The following PLAC1 variants were observed in gnomAD, a reference collection of about 807,000 sequenced individuals.
PLAC1 encodes placenta-specific protein 1.
For missense variants in PLAC1, 136 were observed against 163.2 expected, an observed-to-expected ratio of 0.83 and a Z score of 0.91; for synonymous variants, 68 against 62.1, an observed-to-expected ratio of 1.09 and a Z score of -0.44.
At chrX:134,575,768 C>CAAAAAAAA (rs779874830) in intron 2 of PLAC1, among the ~76,000 whole-genome samples, 1 of 56,381 alleles carries the variant, frequency 1.8e-5, no homozygotes, top group African/African-American at 8.0e-5. Flanking sequence ...GACTCCGTCT[C>CAAAAAAAA]AAAAAAAAAA....
chrX:134,729,388 T>A (rs775227144), intron 2 of PLAC1, among the ~76,000 whole-genome samples: 1 of 112,264 alleles, frequency 8.9e-6, no homozygotes, highest in Admixed American at 9.4e-5. Flanking sequence ...TATACTTATC[T>A]TGTTTTATAG....
intron 1 of PLAC1, among the ~76,000 whole-genome samples, chrX:134,621,068 G>C (rs2078207762): frequency 9.0e-6 from 1 of 111,282 alleles, no homozygotes; most frequent in East Asian, 2.8e-4. Flanking sequence ...CCTCTTGCCA[G>C]ACCAGTTTGT....
chrX:134,719,021 G>T (rs1343095288), intron 2 of PLAC1, among the ~76,000 whole-genome samples: 6 of 111,883 alleles, frequency 5.4e-5, no homozygotes, highest in African/African-American at 1.9e-4. Flanking sequence ...TCACACCTGG[G>T]CAAAAAATAT....
intron 2 of PLAC1, among the ~76,000 whole-genome samples, chrX:134,587,572 C>A (rs1355394723): frequency 9.2e-6 from 1 of 109,166 alleles, no homozygotes. Flanking sequence ...CAGAGTGAGA[C>A]CCTGTTTCAA....
chrX:134,704,233 C>A (rs918759359), intron 2 of PLAC1, among the ~76,000 whole-genome samples: 1 of 109,787 alleles, frequency 9.1e-6, no homozygotes, highest in Non-Finnish European at 1.9e-5. Flanking sequence ...GTGGCTTACA[C>A]CTGTAATCCC....
intron 1 of PLAC1, among the ~76,000 whole-genome samples, chrX:134,750,870 TATATATTTATAA>T (rs2078741445): frequency 6.9e-5 from 1 of 14,474 alleles, no homozygotes; most frequent in African/African-American, 5.7e-4. Context: ...TTTTTATATA[TATATATTTATAA>T]ATATATATAT....
At chrX:134,679,956 G>A (rs751417917) in intron 2 of PLAC1, among the ~76,000 whole-genome samples, 253 of 111,371 alleles carry the variant, frequency 2.3e-3, no homozygotes, top group Middle Eastern at 9.2e-3. Context: ...TGTTCTTTCC[G>A]CCATGGAGTG....
intron 1 of PLAC1, among the ~76,000 whole-genome samples, chrX:134,654,161 G>A (rs980308074): frequency 2.7e-5 from 3 of 111,819 alleles, no homozygotes; most frequent in African/African-American, 9.8e-5. Context: ...GGGAATTAGT[G>A]GGCTCCATCC....
chrX:134,711,869 T>C (rs866383418), intron 2 of PLAC1, among the ~76,000 whole-genome samples: 9 of 110,119 alleles, frequency 8.2e-5, no homozygotes, highest in South Asian at 3.9e-4. Context: ...GATTAATTAC[T>C]GAGGTCGCAT....
At chrX:134,588,128 G>C (rs2124370737) in intron 2 of PLAC1, among the ~76,000 whole-genome samples, 1 of 110,778 alleles carries the variant, frequency 9.0e-6, no homozygotes, top group African/African-American at 3.3e-5. Flanking sequence ...ATAGGAAAGT[G>C]ATATAAAAAC....
intron 1 of PLAC1, among the ~76,000 whole-genome samples, chrX:134,632,317 T>C (rs2078266057): frequency 1.8e-5 from 2 of 112,242 alleles, no homozygotes; most frequent in African/African-American, 6.5e-5. Context: ...GTTAATCCTA[T>C]TGGGGTCTGT....
rs771561259 is a variant in PLAC1, at chrX:134,566,638, A to C, written c.45T>G (p.Ser15=). Residue 15 remains serine, a synonymous_variant, in exon 3 of 3, where the codon TCT becomes TCG. Transcript: ENST00000359237. The part of the protein sequence containing the change: ...KFIGLMILLT[S]AFSAGSGQSP... ...TTTGTCCTGAACCGGCTGAAAACGCAGAGGTGAGGAGGATCATCAGTCCTA... is the reference window on the plus strand; with the variant it reads ...TTTGTCCTGAACCGGCTGAAAACGCCGAGGTGAGGAGGATCATCAGTCCTA... The C allele has an allele frequency of 8.3e-7, 1 of 1,205,113 alleles. No homozygotes were observed. The highest frequency in any genetic ancestry group is 1.8e-5 in the South Asian group (1 of 56,845).
At chrX:134,595,599 A>T (rs1296940961) in intron 2 of PLAC1, among the ~76,000 whole-genome samples, 3 of 97,210 alleles carry the variant, frequency 3.1e-5, no homozygotes, top group African/African-American at 1.2e-4. Flanking sequence ...TTATATATAT[A>T]ATATATATAT....
At chrX:134,567,562 C>T (rs763273219) in intron 2 of PLAC1, among the ~76,000 whole-genome samples, 10 of 110,403 alleles carry the variant, frequency 9.1e-5, no homozygotes, top group Non-Finnish European at 1.7e-4. Context: ...TCAAGAGCAG[C>T]CCGGGCAATA....
At chrX:134,678,337 C>G (rs2078482383) in intron 2 of PLAC1, among the ~76,000 whole-genome samples, 1 of 111,557 alleles carries the variant, frequency 9.0e-6, no homozygotes, top group Non-Finnish European at 1.9e-5. Context: ...GGCCTCCTTG[C>G]TTTTTCTCAA....
chrX:134,595,857 T>C (rs1380743864), intron 2 of PLAC1, among the ~76,000 whole-genome samples: 2 of 110,449 alleles, frequency 1.8e-5, no homozygotes, highest in African/African-American at 3.3e-5. Flanking sequence ...AGACCTTATA[T>C]ACATTAAATG....
chrX:134,677,752 T>G (rs2078480350), intron 2 of PLAC1, among the ~76,000 whole-genome samples: 1 of 110,697 alleles, frequency 9.0e-6, no homozygotes, highest in South Asian at 3.9e-4. Context: ...GCCCGGGGGG[T>G]GACATGTTCT....
At chrX:134,688,716 A>G (rs1264221252) in intron 2 of PLAC1, among the ~76,000 whole-genome samples, 2 of 112,163 alleles carry the variant, frequency 1.8e-5, no homozygotes, top group African/African-American at 6.5e-5. Flanking sequence ...CTTTATGAAA[A>G]CAATATGTCT....
At chrX:134,684,400 T>C (rs1301827887) in intron 2 of PLAC1, among the ~76,000 whole-genome samples, 9 of 68,787 alleles carry the variant, frequency 1.3e-4, no homozygotes, top group South Asian at 1.1e-3. Flanking sequence ...TGTTACTGAG[T>C]GCTCTGCCAC....
Sources: allele counts gnomAD v4.1 joint callset (sites outside exome capture counted in the v4.1 genomes callset), GRCh38; gene constraint gnomAD v4.1.1; transcripts MANE v1.5; gene names NCBI Gene and HGNC (gene_info 2026-07-23, HGNC 2026-07-21).